Variants in CTNND2 observed in about 807,000 individuals in gnomAD.
CTNND2 encodes the protein catenin delta-2.
Under a neutral mutation model 144.4 loss-of-function variants are expected in CTNND2, and 22 were observed. The ratio of observed to expected loss-of-function variants is 0.15; its 90% CI spans 0.11 to 0.22. CTNND2 has a LOEUF of 0.22. Ranked by LOEUF, CTNND2 falls within the 10% of genes least tolerant of loss-of-function variation. The pLI is 1.00. For synonymous variants in CTNND2, 751 were observed against 695.6 expected, an observed-to-expected ratio of 1.08 and a Z score of -1.25; for missense variants, 1,353 against 1,618.8, an observed-to-expected ratio of 0.84 and a Z score of 2.82.
intron 3 of CTNND2, among the ~76,000 whole-genome samples, chr5:11,503,042 T>C (rs778831150): frequency 6.6e-6 from 1 of 152,242 alleles, no homozygotes; most frequent in Non-Finnish European, 1.5e-5. Context: ...CATTAGAAAC[T>C]ATCAATGAAT....
chr5:11,652,351 T>C (rs1335831457), intron 2 of CTNND2, among the ~76,000 whole-genome samples: 1 of 151,980 alleles, frequency 6.6e-6, no homozygotes, highest in Non-Finnish European at 1.5e-5. Context: ...ATACTTCTTG[T>C]ACAGCCTGCA....
At chr5:11,707,068 A>G (rs994054083) in intron 2 of CTNND2, among the ~76,000 whole-genome samples, 3 of 151,366 alleles carry the variant, frequency 2.0e-5, no homozygotes, top group Non-Finnish European at 4.4e-5. Flanking sequence ...CCTGGGAGAC[A>G]GAGCAATACT....
intron 2 of CTNND2, among the ~76,000 whole-genome samples, chr5:11,648,276 G>T (rs546302305): frequency 6.7e-6 from 1 of 150,086 alleles, no homozygotes; most frequent in East Asian, 2.0e-4. Context: ...ATTTAATTCT[G>T]CCTGGGAATA....
chr5:11,184,517 T>C (rs930685832), intron 11 of CTNND2, among the ~76,000 whole-genome samples: 1 of 152,226 alleles, frequency 6.6e-6, no homozygotes, highest in South Asian at 2.1e-4. Context: ...ATATGTATCA[T>C]AATTTTAAGT....
At chr5:11,537,163 T>C (rs917107396) in intron 3 of CTNND2, among the ~76,000 whole-genome samples, 1 of 152,048 alleles carries the variant, frequency 6.6e-6, no homozygotes, top group African/African-American at 2.4e-5. Flanking sequence ...TGACTCTTTT[T>C]ATAGATACGA....
chr5:11,568,983 A>G (rs1777346181), intron 2 of CTNND2, among the ~76,000 whole-genome samples: 1 of 152,222 alleles, frequency 6.6e-6, no homozygotes, highest in Non-Finnish European at 1.5e-5. Flanking sequence ...CTGTCAAGAA[A>G]GAAGAAATAT....
At chr5:11,100,968 A>C (rs1265185454) in intron 14 of CTNND2, among the ~76,000 whole-genome samples, 1 of 152,198 alleles carries the variant, frequency 6.6e-6, no homozygotes, top group African/African-American at 2.4e-5. Context: ...AGGCTCTGAC[A>C]TGTCATCTAT....
intron 2 of CTNND2, among the ~76,000 whole-genome samples, chr5:11,568,153 GCA>G (rs1777270680): frequency 6.6e-6 from 1 of 152,136 alleles, no homozygotes; most frequent in South Asian, 2.1e-4. Flanking sequence ...TGAGTACCAG[GCA>G]CAGTTTCCTC....
intron 2 of CTNND2, among the ~76,000 whole-genome samples, chr5:11,599,951 G>C (rs1779698742): frequency 6.6e-6 from 1 of 152,142 alleles, no homozygotes; most frequent in Non-Finnish European, 1.5e-5. Context: ...GTTAAGAAGT[G>C]CCTCCAAAAT....
chr5:11,290,203 C>T (rs950572812), intron 9 of CTNND2, among the ~76,000 whole-genome samples: 1 of 152,198 alleles, frequency 6.6e-6, no homozygotes, highest in African/African-American at 2.4e-5. Context: ...TTAGCAAAGA[C>T]CCACTCTCTT....
At chr5:11,805,291 T>C (rs1004715060) in intron 1 of CTNND2, among the ~76,000 whole-genome samples, 1 of 152,162 alleles carries the variant, frequency 6.6e-6, no homozygotes, top group Admixed American at 6.6e-5. Flanking sequence ...ATAGGTAATG[T>C]ATATACTCAG....
intron 2 of CTNND2, among the ~76,000 whole-genome samples, chr5:11,585,452 T>TAA (rs1464050449): frequency 1.1e-4 from 17 of 150,954 alleles, no homozygotes; most frequent in Admixed American, 3.3e-4. Context: ...TTTATATATA[T>TAA]AACACACTAT....
At chr5:11,313,880 G>A (rs549591440) in intron 9 of CTNND2, among the ~76,000 whole-genome samples, 1 of 152,226 alleles carries the variant, frequency 6.6e-6, no homozygotes, top group African/African-American at 2.4e-5. Flanking sequence ...GTCTTACATG[G>A]CAGGAGCAAG....
chr5:11,451,895 A>C (rs59556745), intron 3 of CTNND2, among the ~76,000 whole-genome samples: 1 of 152,322 alleles, frequency 6.6e-6, no homozygotes, highest in African/African-American at 2.4e-5. Flanking sequence ...TCTACTTAGC[A>C]TCATCCTTTA....
At chr5:11,889,100 G>A (rs1408945194) in intron 1 of CTNND2, among the ~76,000 whole-genome samples, 1 of 152,032 alleles carries the variant, frequency 6.6e-6, no homozygotes. Flanking sequence ...ACCAACCTTG[G>A]TAAATAATCA....
chr5:11,445,296 G>A (rs948069570), intron 3 of CTNND2, among the ~76,000 whole-genome samples: 2 of 152,094 alleles, frequency 1.3e-5, no homozygotes, highest in East Asian at 3.9e-4. Context: ...CTTCTTATAA[G>A]GATATTAGTC....
intron 3 of CTNND2, among the ~76,000 whole-genome samples, chr5:11,444,045 A>C (rs1210444778): frequency 6.6e-6 from 1 of 152,232 alleles, no homozygotes; most frequent in Non-Finnish European, 1.5e-5. Flanking sequence ...GCTTTGTTTA[A>C]TTTCGTTCAG....
chr5:11,142,806 G>A (rs1291060698), intron 12 of CTNND2, among the ~76,000 whole-genome samples: 1 of 151,888 alleles, frequency 6.6e-6, no homozygotes, highest in African/African-American at 2.4e-5. Flanking sequence ...TAGAGACGGG[G>A]TTTCACCGTG....
chr5:11,535,556 T>G (rs1774134442), intron 3 of CTNND2, among the ~76,000 whole-genome samples: 1 of 152,184 alleles, frequency 6.6e-6, no homozygotes, highest in Non-Finnish European at 1.5e-5. Flanking sequence ...AGTGGTAACT[T>G]TTTCCTTATT....
Sources: gnomAD v4.1 joint callset for allele counts (sites outside exome capture counted in the v4.1 genomes callset) on GRCh38, gnomAD v4.1.1 for gene constraint, MANE v1.5 for transcripts, NCBI Gene and HGNC (gene_info 2026-07-23, HGNC 2026-07-21) for gene names.